The following CRPPA variants were observed in gnomAD, a reference collection of about 807,000 sequenced individuals.
The protein encoded by CRPPA is CDP-L-ribitol pyrophosphorylase A, also known as D-ribitol-5-phosphate cytidylyltransferase.
Under a neutral mutation model 52.0 loss-of-function variants are expected in CRPPA, and 43 were observed. That is an observed-to-expected ratio of 0.83 (90% confidence interval 0.65 to 1.07). CRPPA has a LOEUF of 1.07. Among genes scored for constraint, CRPPA ranks in the 50% least tolerant of loss-of-function variants. The probability of loss-of-function intolerance (pLI) is 0.00; values close to 1 mark genes in which losing one functional copy is unlikely to be tolerated. For synonymous variants in CRPPA, 250 were observed against 203.5 expected (o/e 1.23, Z -1.94); for missense variants, 629 against 551.7 (o/e 1.14, Z -1.40).
chr7:16,366,318 G>T (rs1786587291), intron 3 of CRPPA, among the ~76,000 whole-genome samples: 1 of 152,208 alleles, frequency 6.6e-6, no homozygotes, highest in South Asian at 2.1e-4. Flanking sequence ...ATAGCAATAA[G>T]TAACACAAAC....
chr7:16,254,499 A>C (rs572242899), intron 8 of CRPPA, among the ~76,000 whole-genome samples: 190 of 152,124 alleles, frequency 1.2e-3, no homozygotes, highest in Middle Eastern at 6.8e-3. Flanking sequence ...CAGAAAACCA[A>C]ATACTGCATG....
At chr7:16,383,552 A>G (rs1787172701) in intron 2 of CRPPA, among the ~76,000 whole-genome samples, 1 of 152,208 alleles carries the variant, frequency 6.6e-6, no homozygotes, top group Non-Finnish European at 1.5e-5. Context: ...TTAAGTCTGC[A>G]GAGGTTACTG....
chr7:16,223,103 G>A (rs1223479866), intron 8 of CRPPA, among the ~76,000 whole-genome samples: 1 of 151,908 alleles, frequency 6.6e-6, no homozygotes, highest in Non-Finnish European at 1.5e-5. Flanking sequence ...AACAGCCTGG[G>A]CAACAAGGCG....
intron 9 of CRPPA, among the ~76,000 whole-genome samples, chr7:16,169,990 C>G (rs1031772117): frequency 6.6e-6 from 1 of 152,154 alleles, no homozygotes; most frequent in Non-Finnish European, 1.5e-5. Context: ...TGACCAGCAG[C>G]TAGCATTTCT....
intron 1 of CRPPA, among the ~76,000 whole-genome samples, chr7:16,420,098 G>C (rs562149333): frequency 3.1e-4 from 47 of 152,224 alleles, no homozygotes; most frequent in African/African-American, 1.1e-3. Context: ...CCTTTCTGGG[G>C]AACGTGCCAC....
intron 4 of CRPPA, among the ~76,000 whole-genome samples, chr7:16,303,137 A>T (rs1184014682): frequency 6.6e-6 from 1 of 152,204 alleles, no homozygotes; most frequent in African/African-American, 2.4e-5. Context: ...TGTTTTAGAA[A>T]TACTATAGCA....
chr7:16,207,888 CACA>C (rs1393676237), intron 9 of CRPPA, among the ~76,000 whole-genome samples: 1 of 152,072 alleles, frequency 6.6e-6, no homozygotes, highest in African/African-American at 2.4e-5. Flanking sequence ...TCCGTAAGTC[CACA>C]ACATGTTTTC....
intron 5 of CRPPA, among the ~76,000 whole-genome samples, chr7:16,296,737 T>C (rs1430900377): frequency 6.6e-6 from 1 of 152,128 alleles, no homozygotes; most frequent in Non-Finnish European, 1.5e-5. Flanking sequence ...CCCCAAATCA[T>C]TTTAAAACAA....
chr7:16,268,151 T>C (rs1299435399), intron 6 of CRPPA, among the ~76,000 whole-genome samples: 1 of 151,902 alleles, frequency 6.6e-6, no homozygotes, highest in Non-Finnish European at 1.5e-5. Flanking sequence ...ATGATTGATA[T>C]TGTACTGCAA....
intron 9 of CRPPA, among the ~76,000 whole-genome samples, chr7:16,102,270 C>T (rs1199891120): frequency 6.6e-6 from 1 of 151,318 alleles, no homozygotes; most frequent in African/African-American, 2.5e-5. Flanking sequence ...AAAACTGAAA[C>T]TGGACCCCTT....
chr7:16,187,856 C>T (rs1020297068), intron 9 of CRPPA, among the ~76,000 whole-genome samples: 27 of 152,002 alleles, frequency 1.8e-4, no homozygotes, highest in South Asian at 6.3e-4. Context: ...AATAATGTAA[C>T]GAAGAGTCTA....
chr7:16,243,676 C>G (rs1370804307), intron 8 of CRPPA, among the ~76,000 whole-genome samples: 1 of 152,016 alleles, frequency 6.6e-6, no homozygotes, highest in Non-Finnish European at 1.5e-5. Context: ...GAAAAAATAA[C>G]CACCTCAAAG....
chr7:16,240,625 A>T (rs1412940485), intron 8 of CRPPA, among the ~76,000 whole-genome samples: 2 of 151,580 alleles, frequency 1.3e-5, no homozygotes, highest in Non-Finnish European at 2.9e-5. Flanking sequence ...TATTCATTTA[A>T]AAATGTAAAC....
At chr7:16,395,891 T>C (rs1028674472) in intron 2 of CRPPA, among the ~76,000 whole-genome samples, 2 of 152,158 alleles carry the variant, frequency 1.3e-5, no homozygotes, top group Non-Finnish European at 2.9e-5. Flanking sequence ...TAATTTGAAA[T>C]AATTAAAGCA....
intron 3 of CRPPA, among the ~76,000 whole-genome samples, chr7:16,374,177 A>G (rs1192984761): frequency 6.6e-6 from 1 of 152,110 alleles, no homozygotes; most frequent in Non-Finnish European, 1.5e-5. Context: ...TGTGGGTGGG[A>G]CAATTCAATT....
chr7:16,250,462 G>C (rs1783415643), intron 8 of CRPPA, among the ~76,000 whole-genome samples: 1 of 152,082 alleles, frequency 6.6e-6, no homozygotes, highest in Non-Finnish European at 1.5e-5. Context: ...AAAGGTTAAG[G>C]GTAGCTGGAG....
chr7:16,339,893 G>C (rs1269261033), intron 3 of CRPPA, among the ~76,000 whole-genome samples: 2 of 152,000 alleles, frequency 1.3e-5, no homozygotes, highest in East Asian at 3.9e-4. Flanking sequence ...TCAAGATAGT[G>C]TGATATTGGT....
At chr7:16,309,777 C>T (rs1004855769) in intron 3 of CRPPA, among the ~76,000 whole-genome samples, 1 of 152,030 alleles carries the variant, frequency 6.6e-6, no homozygotes, top group African/African-American at 2.4e-5. Flanking sequence ...ATTATCCTTA[C>T]ATGGAAGCTA....
At chr7:16,371,915 T>C (rs1786758762) in intron 3 of CRPPA, among the ~76,000 whole-genome samples, 2 of 151,766 alleles carry the variant, frequency 1.3e-5, no homozygotes, top group Non-Finnish European at 2.9e-5. Context: ...AAATACAAAA[T>C]GCAGTGGAAA....
Sources: gnomAD v4.1 joint callset for allele counts (sites outside exome capture counted in the v4.1 genomes callset) on GRCh38, gnomAD v4.1.1 for gene constraint, MANE v1.5 for transcripts, NCBI Gene and HGNC (gene_info 2026-07-23, HGNC 2026-07-21) for gene names.